The following GPC6 variants were observed in gnomAD, a reference collection of about 807,000 sequenced individuals.
GPC6 encodes glypican-6.
Under a neutral mutation model 55.2 loss-of-function variants are expected in GPC6, and 14 were observed. The ratio of observed to expected loss-of-function variants is 0.25; its 90% CI spans 0.17 to 0.40. The LOEUF is 0.40. GPC6 is among the 10% of genes least tolerant of loss of function. The probability of loss-of-function intolerance (pLI) is 1.00; values close to 1 mark genes in which losing one functional copy is unlikely to be tolerated. For missense variants in GPC6, 641 were observed against 708.5 expected (o/e 0.90, Z 1.08); for synonymous variants, 278 against 259.6 (o/e 1.07, Z -0.68).
chr13:94,275,167 C>G lies in GPC6; in HGVS notation c.878-11182C>G, dbSNP rs986605616. Among the ~76,000 whole-genome samples, 4 of 152,140 alleles carry G rather than the reference C, an allele frequency of 2.6e-5. No homozygotes were observed. In the South Asian group the frequency reaches 8.3e-4, roughly 32 times the overall value. On this transcript the variant is annotated intron_variant, in intron 4 of 8. Transcript: ENST00000377047. The stretch of plus-strand genomic sequence containing the variant: ...AGTATTGTTCTAGAGTTTGGAAATA[C>G]AGCAGTAACCAAAACAAGCAAAATC...
chr13:93,448,294 A>G (rs1878088396), intron 1 of GPC6, among the ~76,000 whole-genome samples: 1 of 152,194 alleles, frequency 6.6e-6, no homozygotes, highest in South Asian at 2.1e-4. Flanking sequence ...ATTCAATAGA[A>G]TAACATACTG....
intron 4 of GPC6, among the ~76,000 whole-genome samples, chr13:94,257,153 C>A (rs755964618): frequency 6.6e-6 from 1 of 152,124 alleles, no homozygotes; most frequent in African/African-American, 2.4e-5. Flanking sequence ...TTTTACAGCT[C>A]CAGTATCACC....
chr13:94,198,026 C>G (rs1889634039), intron 4 of GPC6, among the ~76,000 whole-genome samples: 1 of 152,102 alleles, frequency 6.6e-6, no homozygotes, highest in Non-Finnish European at 1.5e-5. Flanking sequence ...AAATACTAAC[C>G]ATTGTTATAT....
chr13:94,140,961 A>G (rs1003654605), intron 4 of GPC6, among the ~76,000 whole-genome samples: 2 of 152,048 alleles, frequency 1.3e-5, no homozygotes, highest in East Asian at 3.9e-4. Context: ...AGATGTAGGC[A>G]TGTGTTAACA....
At chr13:94,177,419 G>T (rs961791348) in intron 4 of GPC6, among the ~76,000 whole-genome samples, 5 of 151,348 alleles carry the variant, frequency 3.3e-5, no homozygotes, top group Non-Finnish European at 7.4e-5. Context: ...TATATAAAAA[G>T]CTCCTACATA....
chr13:93,601,049 T>C (rs572721276), intron 2 of GPC6, among the ~76,000 whole-genome samples: 103 of 150,808 alleles, frequency 6.8e-4, no homozygotes, highest in Non-Finnish European at 1.3e-3. Flanking sequence ...TAGACTGATA[T>C]GATCTTCACT....
intron 4 of GPC6, among the ~76,000 whole-genome samples, chr13:94,235,769 G>A (rs1463984446): frequency 6.6e-6 from 1 of 152,118 alleles, no homozygotes; most frequent in East Asian, 1.9e-4. Context: ...GAATCCTTGG[G>A]AGAAAGCAGT....
At chr13:94,141,418 C>A (rs1379755821) in intron 4 of GPC6, among the ~76,000 whole-genome samples, 1 of 152,054 alleles carries the variant, frequency 6.6e-6, no homozygotes, top group Admixed American at 6.6e-5. Context: ...GCGTTAGGTC[C>A]TGTTTATAAC....
intron 6 of GPC6, among the ~76,000 whole-genome samples, chr13:94,368,229 C>T (rs1463051693): frequency 1.3e-5 from 2 of 151,576 alleles, no homozygotes; most frequent in Non-Finnish European, 2.9e-5. Flanking sequence ...CATTGAACTC[C>T]CTGGGAACAT....
At chr13:93,539,502 G>C (rs1424955453) in intron 1 of GPC6, among the ~76,000 whole-genome samples, 1 of 152,090 alleles carries the variant, frequency 6.6e-6, no homozygotes, top group Non-Finnish European at 1.5e-5. Flanking sequence ...GTGTGTTTTA[G>C]GGGAGGGTCC....
chr13:93,902,720 T>C (rs1468656477), intron 3 of GPC6, among the ~76,000 whole-genome samples: 1 of 152,230 alleles, frequency 6.6e-6, no homozygotes, highest in Non-Finnish European at 1.5e-5. Flanking sequence ...AATTTTGTCT[T>C]TTTGAGAATA....
chr13:93,806,049 G>A (rs776706342), intron 2 of GPC6, among the ~76,000 whole-genome samples: 1 of 152,134 alleles, frequency 6.6e-6, no homozygotes, highest in Non-Finnish European at 1.5e-5. Flanking sequence ...GTAGAAACCT[G>A]TAAAGATGTT....
chr13:93,756,412 A>G (rs1425259239), intron 2 of GPC6, among the ~76,000 whole-genome samples: 1 of 152,166 alleles, frequency 6.6e-6, no homozygotes, highest in Non-Finnish European at 1.5e-5. Flanking sequence ...GTACTTCCGG[A>G]CATGCTGGTC....
intron 2 of GPC6, among the ~76,000 whole-genome samples, chr13:93,596,938 G>A (rs542027215): frequency 1.3e-4 from 18 of 141,298 alleles, no homozygotes; most frequent in African/African-American, 4.1e-4. Context: ...AAAGCTGATG[G>A]TATGGTTCCA....
chr13:93,553,862 C>T (rs1470347921), intron 2 of GPC6, among the ~76,000 whole-genome samples: 1 of 145,434 alleles, frequency 6.9e-6, no homozygotes, highest in Non-Finnish European at 1.5e-5. Context: ...GAGAGTTGGC[C>T]AGCACAGTGC....
intron 4 of GPC6, among the ~76,000 whole-genome samples, chr13:94,253,455 G>A (rs1891417921): frequency 6.6e-6 from 1 of 151,970 alleles, no homozygotes; most frequent in African/African-American, 2.4e-5. Flanking sequence ...AATAAGAGAG[G>A]AGTTTCATGA....
intron 4 of GPC6, among the ~76,000 whole-genome samples, chr13:94,056,753 A>G (rs957624893): frequency 3.3e-5 from 5 of 152,188 alleles, no homozygotes; most frequent in Non-Finnish European, 7.4e-5. Context: ...TCCAACGATA[A>G]TTTCTCCCAT....
chr13:94,093,048 T>C (rs1885546967), intron 4 of GPC6, among the ~76,000 whole-genome samples: 1 of 152,178 alleles, frequency 6.6e-6, no homozygotes, highest in Non-Finnish European at 1.5e-5. Context: ...TACAAATATT[T>C]TATCCATTTC....
At chr13:93,498,460 C>G (rs1468693602) in intron 1 of GPC6, among the ~76,000 whole-genome samples, 1 of 152,154 alleles carries the variant, frequency 6.6e-6, no homozygotes, top group Non-Finnish European at 1.5e-5. Context: ...CCACCCAAAT[C>G]TCAACTTGAA....
Sources: gnomAD v4.1 joint callset for allele counts (sites outside exome capture counted in the v4.1 genomes callset) on GRCh38, gnomAD v4.1.1 for gene constraint, MANE v1.5 for transcripts, NCBI Gene and HGNC (gene_info 2026-07-23, HGNC 2026-07-21) for gene names.